CNTLN: variants seen among roughly 807,000 people sequenced by gnomAD.
The protein encoded by CNTLN is centlein.
In CNTLN, 212 loss-of-function variants were observed where a neutral mutation model predicts 180.0. The observed-to-expected ratio is 1.18, with a 90% CI of 1.05 to 1.32. The LOEUF (loss-of-function observed/expected upper bound fraction) is 1.32. CNTLN is among the 40% of genes most tolerant of loss of function. The pLI, the probability that CNTLN is intolerant of heterozygous loss-of-function variation, is 0.00. For synonymous variants in CNTLN, 722 were observed against 563.1 expected (o/e 1.28, Z -3.99); for missense variants, 2,095 against 1,610.9 (o/e 1.30, Z -5.14).
At chr9:17,419,840 T>G (rs1405088245) in intron 18 of CNTLN, among the ~76,000 whole-genome samples, 1 of 152,214 alleles carries the variant, frequency 6.6e-6, no homozygotes. Context: ...ATACTAATTT[T>G]CCAATAATTT....
At chr9:17,187,953 T>C (rs1047237208) in intron 2 of CNTLN, among the ~76,000 whole-genome samples, 20 of 150,528 alleles carry the variant, frequency 1.3e-4, no homozygotes, top group African/African-American at 4.6e-4. Context: ...AGGAATAATT[T>C]AATATTTATA....
intron 5 of CNTLN, among the ~76,000 whole-genome samples, chr9:17,267,178 G>A (rs959252891): frequency 7.9e-5 from 12 of 151,982 alleles, no homozygotes; most frequent in Non-Finnish European, 1.5e-4. Flanking sequence ...GGCTGGTACC[G>A]GTTGTTCCTT....
chr9:17,487,653 A>G (rs887427193), intron 25 of CNTLN, among the ~76,000 whole-genome samples: 33 of 152,124 alleles, frequency 2.2e-4, no homozygotes, highest in Non-Finnish European at 2.4e-4. Flanking sequence ...TTTCCTATCG[A>G]CATTTTCTGG....
At chr9:17,448,393 G>T (rs951605728) in intron 18 of CNTLN, 3 of 152,124 alleles carry the variant, frequency 2.0e-5, no homozygotes, top group Non-Finnish European at 4.4e-5. Flanking sequence ...CCATAAAAAT[G>T]GGCATGTTGA....
intron 5 of CNTLN, among the ~76,000 whole-genome samples, chr9:17,271,163 G>A (rs1372761205): frequency 6.6e-6 from 1 of 151,904 alleles, no homozygotes; most frequent in Admixed American, 6.6e-5. Flanking sequence ...TGTTAGCCTC[G>A]ATCTCCTGAC....
At chr9:17,203,996 T>C (rs1021571811) in intron 2 of CNTLN, among the ~76,000 whole-genome samples, 4 of 152,238 alleles carry the variant, frequency 2.6e-5, no homozygotes, top group African/African-American at 9.6e-5. Flanking sequence ...TTGTGCTGTG[T>C]TTTTCAGCTC....
intron 12 of CNTLN, among the ~76,000 whole-genome samples, chr9:17,363,791 A>G (rs992966771): frequency 2.0e-5 from 3 of 152,026 alleles, no homozygotes; most frequent in Non-Finnish European, 2.9e-5. Context: ...TTCCTTGTAT[A>G]TATCTGTTAG....
intron 2 of CNTLN, among the ~76,000 whole-genome samples, chr9:17,211,183 T>C (rs1823277503): frequency 2.6e-5 from 4 of 152,322 alleles, no homozygotes; most frequent in African/African-American, 9.6e-5. Flanking sequence ...GTTTTTATGG[T>C]TTTAGGTCTA....
intron 23 of CNTLN, among the ~76,000 whole-genome samples, chr9:17,480,680 G>A (rs769350729): frequency 6.6e-6 from 1 of 152,108 alleles, no homozygotes; most frequent in South Asian, 2.1e-4. Context: ...CGAATATGGT[G>A]TAATATAACT....
chr9:17,443,657 T>A (rs1363400262), intron 18 of CNTLN, among the ~76,000 whole-genome samples: 3 of 152,194 alleles, frequency 2.0e-5, no homozygotes, highest in African/African-American at 7.2e-5. Flanking sequence ...GGTTAACACA[T>A]GGGCATTCAT....
At chr9:17,278,478 C>CAGAGGTAGA (rs1828456670) in intron 6 of CNTLN, among the ~76,000 whole-genome samples, 1 of 151,828 alleles carries the variant, frequency 6.6e-6, no homozygotes, top group Admixed American at 6.6e-5. Flanking sequence ...TTTCAGTCTA[C>CAGAGGTAGA]CTCTGTGTCT....
chr9:17,352,654 A>G (rs1051022338), intron 12 of CNTLN, among the ~76,000 whole-genome samples: 2 of 152,100 alleles, frequency 1.3e-5, no homozygotes, highest in Non-Finnish European at 2.9e-5. Flanking sequence ...ATTCAAAAGC[A>G]TTTTCATCAC....
At chr9:17,507,962 C>T (rs1337193505), downstream of CNTLN, among the ~76,000 whole-genome samples, 6 of 152,132 alleles carry the variant, frequency 3.9e-5, no homozygotes, top group Non-Finnish European at 5.9e-5. Flanking sequence ...GTGCCCCTGC[C>T]TTCTGTACTC....
At chr9:17,526,418 G>A in the CNTLN span, among the ~76,000 whole-genome samples, 1 of 152,126 alleles carries the variant, frequency 6.6e-6, no homozygotes, top group Non-Finnish European at 1.5e-5. Flanking sequence ...AAATTATAAA[G>A]TTTAACTTCT....
intron 16 of CNTLN, among the ~76,000 whole-genome samples, chr9:17,414,780 G>A (rs556572497): frequency 6.6e-6 from 1 of 152,246 alleles, no homozygotes; most frequent in Admixed American, 6.5e-5. Flanking sequence ...ATATATCTAT[G>A]TTTCCCAGCC....
chr9:17,365,540 C>G (rs1047768220), intron 12 of CNTLN, among the ~76,000 whole-genome samples: 7 of 152,172 alleles, frequency 4.6e-5, no homozygotes, highest in Non-Finnish European at 7.3e-5. Context: ...AATGGTAGCT[C>G]AATTCTGTTT....
At chr9:17,504,970 A>T (rs1430508952), downstream of CNTLN, among the ~76,000 whole-genome samples, 9 of 152,180 alleles carry the variant, frequency 5.9e-5, no homozygotes, top group Admixed American at 5.9e-4. Flanking sequence ...AATTTGCCAG[A>T]AATCTGTTTA....
intron 6 of CNTLN, among the ~76,000 whole-genome samples, chr9:17,296,687 C>T (rs933723370): frequency 1.1e-4 from 17 of 152,008 alleles, no homozygotes; most frequent in African/African-American, 3.9e-4. Context: ...ATTACATTTC[C>T]TGAAGGCATT....
chr9:17,257,604 G>A (rs893835426), intron 5 of CNTLN, among the ~76,000 whole-genome samples: 11 of 151,368 alleles, frequency 7.3e-5, no homozygotes, highest in Admixed American at 3.3e-4. Flanking sequence ...CAGTGTAAAA[G>A]TGTTCCTATT....
Sources: allele counts gnomAD v4.1 joint callset (sites outside exome capture counted in the v4.1 genomes callset), GRCh38; gene constraint gnomAD v4.1.1; transcripts MANE v1.5; gene names NCBI Gene and HGNC (gene_info 2026-07-23, HGNC 2026-07-21).